The following COL28A1 variants were observed in gnomAD, a reference collection of about 807,000 sequenced individuals.
COL28A1 encodes collagen type XXVIII alpha 1 chain, also known as collagen alpha-1(XXVIII) chain.
In COL28A1, 161 loss-of-function variants were observed where a neutral mutation model predicts 150.2. The observed-to-expected ratio is 1.07, with a 90% confidence interval of 0.94 to 1.22. COL28A1 has a LOEUF of 1.22. Among genes scored for constraint, COL28A1 ranks in the 50% most tolerant of loss-of-function variants. COL28A1 has a pLI of 0.00. For missense variants in COL28A1, 1,617 were observed against 1,388.3 expected (o/e 1.16, Z -2.62); for synonymous variants, 552 against 469.7 (o/e 1.18, Z -2.26).
At chr7:7,429,550 T>C (rs573786814) in intron 25 of COL28A1, among the ~76,000 whole-genome samples, 1 of 152,016 alleles carries the variant, frequency 6.6e-6, no homozygotes, top group Non-Finnish European at 1.5e-5. Context: ...CATAGAAATT[T>C]TGAAGCCCCT....
At chr7:7,463,454 C>G (rs1377746792) in intron 15 of COL28A1, among the ~76,000 whole-genome samples, 2 of 152,122 alleles carry the variant, frequency 1.3e-5, no homozygotes, top group African/African-American at 4.8e-5. Flanking sequence ...GAAAACCTAT[C>G]AGATTAACAG....
At chr7:7,376,094 C>G (rs147312259) in intron 30 of COL28A1, among the ~76,000 whole-genome samples, 6 of 152,286 alleles carry the variant, frequency 3.9e-5, no homozygotes, top group Non-Finnish European at 7.4e-5. Flanking sequence ...CTGCTGCCCA[C>G]AAGCTCCATC....
At chr7:7,501,650 G>A (rs1474656370) in intron 11 of COL28A1, among the ~76,000 whole-genome samples, 1 of 152,150 alleles carries the variant, frequency 6.6e-6, no homozygotes, top group African/African-American at 2.4e-5. Flanking sequence ...TGACTTGAAA[G>A]GCCTACCAAT....
chr7:7,448,445 T>C (rs987817705), intron 18 of COL28A1, among the ~76,000 whole-genome samples: 32 of 151,598 alleles, frequency 2.1e-4, no homozygotes, highest in Non-Finnish European at 4.3e-4. Flanking sequence ...TATAATTCTA[T>C]AACCAGAAAA....
At position 7,380,998 on chromosome 7, in the gene COL28A1, GA is replaced by G. The variant is rs1256475384; in HGVS notation, c.2206-137del. On this transcript the variant is annotated intron_variant, in intron 28 of 34. Coordinates refer to ENST00000399429, the MANE Select transcript of COL28A1 (RefSeq NM_001037763.3). ...TCTTGTTTATACAAATGCAGTATTT[GA>G]AAAAAAATTGGGGGTAACTTATTTA... 6.6e-5 allele frequency: 46 copies of G among 700,700 alleles called. 2 individuals are homozygous for G. The highest frequency in any genetic ancestry group is 5.8e-4 in the South Asian group (32 of 55,520). 43.4% of individuals were successfully genotyped at this position (700,700 alleles called of 1,614,324 possible). A position where few individuals can be genotyped will look rare whatever the true frequency, so the allele number is the denominator to read the frequency against.
the COL28A1 span, among the ~76,000 whole-genome samples, chr7:7,541,288 T>G: frequency 1.5e-4 from 23 of 152,132 alleles, no homozygotes; most frequent in Admixed American, 1.0e-3. Context: ...TGGACAAAAT[T>G]TATAGAAAAG....
Position 7,532,144 on chromosome 7 carries a change from T to G in COL28A1, c.125-240A>C, listed in dbSNP as rs796784400. ...AAAATAAATAAGATATCTTTTATTCTGAGCATCTTTTCAATGTTAAACCTG... is the reference window on the plus strand; with the variant it reads ...AAAATAAATAAGATATCTTTTATTCGGAGCATCTTTTCAATGTTAAACCTG... On this transcript the variant is annotated intron_variant, in intron 2 of 34. Transcript: ENST00000399429. Among the ~76,000 whole-genome samples the G allele has an allele frequency of 1.7e-4, 26 of 152,304 alleles. 1 individual carries two copies. Among genetic ancestry groups the G allele is most frequent in the African/African-American group, 6.0e-4 (25 of 41,578 alleles).
rs1562590703 is a variant in COL28A1, at chr7:7,417,534, GAGGGA to G, written c.2136+320_2136+324del. 7.9e-4 allele frequency: 86 copies of G among 109,548 alleles called. No individual in the cohort carries two copies. The African/African-American group carries it at 0.011, about 14-fold the overall frequency. 6.8% of individuals were successfully genotyped at this position (109,548 alleles called of 1,614,324 possible). ...GGGAAGGAGGGAGGGGGGAGGGAGG[GAGGGA>G]GGGGGGGGGGAGAGAGAGAGAGAGA... On this transcript the variant is annotated intron_variant, in intron 27 of 34. Coordinates refer to ENST00000399429, the MANE Select transcript of COL28A1 (RefSeq NM_001037763.3).
At chr7:7,503,625 G>A (rs1372040918) in intron 11 of COL28A1, among the ~76,000 whole-genome samples, 2 of 152,180 alleles carry the variant, frequency 1.3e-5, no homozygotes, top group Non-Finnish European at 2.9e-5. Context: ...TGGGAGGCAA[G>A]ATGAAATCAT....
intron 27 of COL28A1, among the ~76,000 whole-genome samples, chr7:7,396,562 T>C (rs1339081682): frequency 6.6e-6 from 1 of 152,196 alleles, no homozygotes; most frequent in Non-Finnish European, 1.5e-5. Flanking sequence ...TATAGATATG[T>C]TAACATTCTC....
chr7:7,364,890 T>G (rs939079831), intron 33 of COL28A1, among the ~76,000 whole-genome samples: 1 of 152,176 alleles, frequency 6.6e-6, no homozygotes, highest in Non-Finnish European at 1.5e-5. Context: ...AAATTCACAA[T>G]GGGTTAATCT....
chr7:7,529,923 T>C (rs1218730763), intron 3 of COL28A1, among the ~76,000 whole-genome samples: 1 of 152,104 alleles, frequency 6.6e-6, no homozygotes, highest in African/African-American at 2.4e-5. Flanking sequence ...GAATGAGTAC[T>C]TACCTTGAGC....
At chr7:7,504,557 G>A (rs1278011209) in intron 11 of COL28A1, among the ~76,000 whole-genome samples, 1 of 152,042 alleles carries the variant, frequency 6.6e-6, no homozygotes. Flanking sequence ...CCTTTTTATG[G>A]ACCATTCCCT....
rs1202063400 is a variant in COL28A1 at position 7,477,098 on chromosome 7, G to A, written c.1233+14C>T. 4 of 1,027,504 alleles carry A rather than the reference G, an allele frequency of 3.9e-6. No homozygotes were observed. The highest frequency in any genetic ancestry group is 6.2e-6 in the Non-Finnish European group (4 of 643,320). The allele number at this position is 1,027,504 out of a possible 1,614,324, so 63.6% of individuals were successfully genotyped here. A position where few individuals can be genotyped will look rare whatever the true frequency, so the allele number is the denominator to read the frequency against. ...AGACAAAGCACCTTTTCCTGGTACA[G>A]AAGGTATTGTTACCTTTGGTCCTGG... On this transcript the variant is annotated intron_variant, in intron 14 of 34. Transcript: ENST00000399429.
chr7:7,515,005 G>A (rs1380702142), intron 8 of COL28A1, among the ~76,000 whole-genome samples: 1 of 152,164 alleles, frequency 6.6e-6, no homozygotes, highest in East Asian at 1.9e-4. Flanking sequence ...ACCTCCTGCA[G>A]ACTCCTGGCT....
At chr7:7,509,945 C>G (rs1445474483) in intron 9 of COL28A1, among the ~76,000 whole-genome samples, 1 of 152,148 alleles carries the variant, frequency 6.6e-6, no homozygotes, top group African/African-American at 2.4e-5. Context: ...GACTTTAACT[C>G]TACAGTACTT....
At chr7:7,539,472 C>T (rs955913598), upstream of COL28A1, among the ~76,000 whole-genome samples, 4 of 152,172 alleles carry the variant, frequency 2.6e-5, no homozygotes, top group African/African-American at 2.4e-5. Flanking sequence ...ATGACCCAAA[C>T]GTTTCCCATC....
chr7:7,443,702 T>C lies in COL28A1; in HGVS notation c.1582-49A>G, dbSNP rs866231763. On this transcript the variant is annotated intron_variant, in intron 19 of 34. Transcript: ENST00000399429. Reference sequence around the variant, plus strand: ...TTAGCTGACCCTCCAGTAGACAGACTGTACGTATCATCCCACCTTGTCTCC... The same window carrying C: ...TTAGCTGACCCTCCAGTAGACAGACCGTACGTATCATCCCACCTTGTCTCC... 14 of 1,608,972 alleles carry C rather than the reference T, an allele frequency of 8.7e-6. 1 individual carries two copies. The Middle Eastern group carries it at 2.3e-3, about 267-fold the overall frequency.
chr7:7,529,883 A>G (rs1445657822), intron 3 of COL28A1, among the ~76,000 whole-genome samples: 1 of 152,130 alleles, frequency 6.6e-6, no homozygotes. Context: ...AACCACTACA[A>G]ATTTCCCTTT....
Sources: allele counts gnomAD v4.1 joint callset (sites outside exome capture counted in the v4.1 genomes callset), GRCh38; gene constraint gnomAD v4.1.1; transcripts MANE v1.5; gene names NCBI Gene and HGNC (gene_info 2026-07-23, HGNC 2026-07-21).